The following RASSF3 variants were observed in gnomAD, a reference collection of about 807,000 sequenced individuals.
RASSF3 encodes the protein Ras association domain family member 3.
RASSF3 carries 19 observed loss-of-function variants against 19.9 expected under a neutral mutation model. The ratio of observed to expected loss-of-function variants is 0.96; its 90% CI spans 0.67 to 1.40. The LOEUF is 1.40. RASSF3 is among the 40% of genes most tolerant of loss of function. RASSF3 has a pLI of 0.00. For synonymous variants in RASSF3, 110 were observed against 104.2 expected, an observed-to-expected ratio of 1.06 and a Z score of -0.34; for missense variants, 306 against 289.8, an observed-to-expected ratio of 1.06 and a Z score of -0.41.
chr12:64,637,575 G>A (rs1025958731), intron 1 of RASSF3, among the ~76,000 whole-genome samples: 11 of 150,672 alleles, frequency 7.3e-5, no homozygotes, highest in South Asian at 2.1e-4. Flanking sequence ...GATGGCAGGC[G>A]TGTGCCACCA....
At chr12:64,622,728 G>A (rs1870827800) in intron 1 of RASSF3, 20 of 268,088 alleles carry the variant, frequency 7.5e-5, no homozygotes, top group South Asian at 6.5e-4. Context: ...AAGATGTGAA[G>A]AGTTACTTCT....
At chr12:64,551,406 C>A (rs1869157298) in intron 2 of RASSF3, among the ~76,000 whole-genome samples, 1 of 152,062 alleles carries the variant, frequency 6.6e-6, no homozygotes, top group Non-Finnish European at 1.5e-5. Flanking sequence ...AAAACCCTGG[C>A]TCTACAAAAA....
chr12:64,684,720 T>G, intron 1 of RASSF3, 67 bp from the exon 2 acceptor site: 1 of 1,072,198 alleles, frequency 9.3e-7, no homozygotes. Flanking sequence ...CGTGAGCCAC[T>G]GCGCCCGGCC....
At chr12:64,629,978 G>A (rs1797694) in intron 1 of RASSF3, 65,959 of 117,060 alleles carry the variant, frequency 0.56, 17,844 homozygotes, top group Non-Finnish European at 0.61. Context: ...AAAAAAAAAA[G>A]AAAAAGAAAA....
chr12:64,643,142 C>T (rs184855096), intron 1 of RASSF3, among the ~76,000 whole-genome samples: 6 of 152,088 alleles, frequency 3.9e-5, no homozygotes, highest in East Asian at 3.9e-4. Context: ...CTGGGATCAC[C>T]GGTGTGAGCC....
chr12:64,657,588 G>A (rs186508815), intron 1 of RASSF3, among the ~76,000 whole-genome samples: 1 of 152,332 alleles, frequency 6.6e-6, no homozygotes, highest in African/African-American at 2.4e-5. Context: ...TTCTGAGTGT[G>A]AGGAGGATGA....
upstream of RASSF3, among the ~76,000 whole-genome samples, chr12:64,609,025 C>G (rs2051721580): frequency 6.6e-6 from 1 of 152,118 alleles, no homozygotes; most frequent in Non-Finnish European, 1.5e-5. Flanking sequence ...GTAATATATA[C>G]TAGTTTACAA....
intron 1 of RASSF3, among the ~76,000 whole-genome samples, chr12:64,519,649 C>T (rs1015812650): frequency 1.3e-5 from 2 of 152,018 alleles, no homozygotes; most frequent in African/African-American, 4.8e-5. Flanking sequence ...TATATACATA[C>T]ATTCACTTGT....
At chr12:64,516,490 G>A (rs1048511331) in intron 1 of RASSF3, among the ~76,000 whole-genome samples, 1 of 150,300 alleles carries the variant, frequency 6.7e-6, no homozygotes, top group Non-Finnish European at 1.5e-5. Flanking sequence ...GTAGTGGCGG[G>A]CGCCTGTAGT....
intron 2 of RASSF3, among the ~76,000 whole-genome samples, chr12:64,599,989 G>A (rs971496691): frequency 8.9e-5 from 12 of 135,472 alleles, no homozygotes; most frequent in African/African-American, 3.3e-4. Flanking sequence ...CCAAGATCGC[G>A]CCACTGCACC....
At chr12:64,656,724 T>C (rs996577330) in intron 1 of RASSF3, among the ~76,000 whole-genome samples, 5 of 152,152 alleles carry the variant, frequency 3.3e-5, no homozygotes, top group Non-Finnish European at 5.9e-5. Flanking sequence ...ACCAGAGAAA[T>C]GGGCCTGCCC....
intron 3 of RASSF3, among the ~76,000 whole-genome samples, chr12:64,690,092 C>T (rs56733466): frequency 9.3e-5 from 14 of 149,970 alleles, no homozygotes; most frequent in Non-Finnish European, 2.1e-4. Flanking sequence ...CCTGGCCTCG[C>T]TAATTCTTAA....
chr12:64,655,058 T>G (rs964008215), intron 1 of RASSF3: 11 of 152,232 alleles, frequency 7.2e-5, no homozygotes, highest in African/African-American at 2.6e-4. Context: ...AGCTCCAAAG[T>G]GGAGTGAGTG....
Position 64,520,166 on chromosome 12 carries a change from T to G in RASSF3, c.169+12837T>G, listed in dbSNP as rs541224995. Reference sequence around the variant, plus strand: ...TGCATTCAAGACATCTGCTCATTTCTGACTTTTTTTTTTTTTTTTTGAGAT... The same window carrying G: ...TGCATTCAAGACATCTGCTCATTTCGGACTTTTTTTTTTTTTTTTTGAGAT... On this transcript the variant is annotated intron_variant, in intron 1 of 5. Transcript: ENST00000637125. 4.4e-5 allele frequency among the ~76,000 whole-genome samples: 6 copies of G among 136,304 alleles called. No homozygotes were observed. In the South Asian group the frequency reaches 1.1e-3, roughly 26 times the overall value. 89.4% of individuals were successfully genotyped at this position (136,304 alleles called of 152,430 possible).
chr12:64,625,380 A>G (rs1870950162), intron 1 of RASSF3, among the ~76,000 whole-genome samples: 1 of 152,012 alleles, frequency 6.6e-6, no homozygotes, highest in Non-Finnish European at 1.5e-5. Context: ...AAAGAGAATG[A>G]TTAGACATAT....
intron 1 of RASSF3, among the ~76,000 whole-genome samples, chr12:64,668,616 A>G (rs975675056): frequency 2.0e-5 from 3 of 151,394 alleles, no homozygotes; most frequent in African/African-American, 7.3e-5. Context: ...CACCTCAGAA[A>G]ACATGGTGAT....
intron 1 of RASSF3, among the ~76,000 whole-genome samples, chr12:64,646,502 G>T (rs1006340847): frequency 5.9e-5 from 9 of 152,158 alleles, no homozygotes; most frequent in Admixed American, 5.2e-4. Context: ...CCAATACATA[G>T]CCTAAAGCTT....
chr12:64,510,350 TG>T (rs1868321283), intron 1 of RASSF3, among the ~76,000 whole-genome samples: 1 of 152,194 alleles, frequency 6.6e-6, no homozygotes, highest in Admixed American at 6.5e-5. Context: ...TGGGGATCCT[TG>T]CTCCACCCTT....
rs945467615 is a variant in RASSF3 at position 64,674,380 on chromosome 12, C to A, written c.112-10407C>A. 4.6e-5 allele frequency among the ~76,000 whole-genome samples: 7 copies of A among 152,148 alleles called. No individual in the cohort carries two copies. The East Asian group carries it at 1.3e-3, about 29-fold the overall frequency. On this transcript the variant is annotated intron_variant, in intron 1 of 4. Coordinates refer to ENST00000542104, the MANE Select transcript of RASSF3 (RefSeq NM_178169.4). ...CAGGAATGGAGCCCTCTTCTATATCCAACACTAAGGTAGTTCCAGCACAGT... is the reference window on the plus strand; with the variant it reads ...CAGGAATGGAGCCCTCTTCTATATCAAACACTAAGGTAGTTCCAGCACAGT...
Sources: allele counts gnomAD v4.1 joint callset (sites outside exome capture counted in the v4.1 genomes callset), GRCh38; gene constraint gnomAD v4.1.1; transcripts MANE v1.5; gene names NCBI Gene and HGNC (gene_info 2026-07-23, HGNC 2026-07-21).